Variants in MORC1 observed in about 807,000 individuals in gnomAD.
The protein encoded by MORC1 is MORC family CW-type zinc finger 1.
A neutral mutation model predicts 134.9 loss-of-function variants in MORC1; 59 were observed. That is an observed-to-expected ratio of 0.44 (90% CI 0.35 to 0.54). The LOEUF (loss-of-function observed/expected upper bound fraction) is 0.54. Ranked by LOEUF, MORC1 falls within the 20% of genes least tolerant of loss-of-function variation. MORC1 has a pLI of 0.00. For missense variants in MORC1, 947 were observed against 1,134.5 expected (o/e 0.83, Z 2.37); for synonymous variants, 395 against 391.7 (o/e 1.01, Z -0.10).
At chr3:109,048,708 C>T (rs1001996708) in intron 14 of MORC1, among the ~76,000 whole-genome samples, 2 of 152,176 alleles carry the variant, frequency 1.3e-5, no homozygotes, top group African/African-American at 2.4e-5. Flanking sequence ...CAGATGGTCA[C>T]CTTCTCCCTG....
At chr3:109,085,960 G>A (rs1294795978) in intron 8 of MORC1, among the ~76,000 whole-genome samples, 1 of 152,014 alleles carries the variant, frequency 6.6e-6, no homozygotes, top group Non-Finnish European at 1.5e-5. Flanking sequence ...TGAAATTGGA[G>A]GTCATTACGT....
chr3:109,106,080 C>T (rs1951028141), intron 3 of MORC1, among the ~76,000 whole-genome samples: 1 of 152,216 alleles, frequency 6.6e-6, no homozygotes, highest in Admixed American at 6.5e-5. Flanking sequence ...CTTGGTTGCA[C>T]ATTGAAATCA....
chr3:109,067,205 G>T (rs1950217501), intron 9 of MORC1, among the ~76,000 whole-genome samples: 1 of 152,100 alleles, frequency 6.6e-6, no homozygotes. Flanking sequence ...TCAGCATTAT[G>T]GGTCTATGGT....
At chr3:108,972,226 T>C (rs1460229445) in intron 24 of MORC1, among the ~76,000 whole-genome samples, 1 of 152,098 alleles carries the variant, frequency 6.6e-6, no homozygotes, top group Non-Finnish European at 1.5e-5. Context: ...ATATGACACA[T>C]ATTTCATTCC....
intron 24 of MORC1, among the ~76,000 whole-genome samples, chr3:108,974,048 C>G (rs781665837): frequency 2.0e-5 from 3 of 152,120 alleles, no homozygotes; most frequent in Non-Finnish European, 2.9e-5. Context: ...CCCCCACCCC[C>G]CCACCAGGCC....
At chr3:108,985,195 C>A (rs1947864086) in intron 22 of MORC1, among the ~76,000 whole-genome samples, 2 of 152,102 alleles carry the variant, frequency 1.3e-5, no homozygotes, top group South Asian at 4.2e-4. Flanking sequence ...AAATGTGTCT[C>A]CAGTAGGAAA....
At chr3:109,099,262 T>C in intron 6 of MORC1, 96 bp downstream of exon 6, 1 of 807,366 alleles carries the variant, frequency 1.2e-6, no homozygotes, top group Non-Finnish European at 1.9e-6. Context: ...TTCTAAATAA[T>C]ATCAGAAAGA....
At chr3:109,035,749 T>C (rs919957531) in intron 14 of MORC1, among the ~76,000 whole-genome samples, 3 of 152,232 alleles carry the variant, frequency 2.0e-5, no homozygotes, top group Non-Finnish European at 4.4e-5. Flanking sequence ...TTAAAAGTTA[T>C]GTGTTTATGC....
intron 11 of MORC1, among the ~76,000 whole-genome samples, chr3:109,060,084 C>T (rs1950044669): frequency 6.6e-6 from 1 of 152,094 alleles, no homozygotes. Context: ...CTCTTTTGTA[C>T]ATATCCAGAT....
intron 17 of MORC1, among the ~76,000 whole-genome samples, chr3:109,023,366 T>TA (rs1949004606): frequency 6.6e-6 from 1 of 152,226 alleles, no homozygotes; most frequent in African/African-American, 2.4e-5. Context: ...AAATGTATAG[T>TA]AAATACAAAA....
At chr3:109,010,976 T>C (rs551312823) in intron 17 of MORC1, among the ~76,000 whole-genome samples, 224 of 152,324 alleles carry the variant, frequency 1.5e-3, no homozygotes, top group African/African-American at 5.2e-3. Context: ...TGTACAAGTT[T>C]TGCGGTGGAT....
intron 21 of MORC1, among the ~76,000 whole-genome samples, chr3:108,990,898 T>TTCTCTCTCTCTCTCTCTCTCTCTC (rs34333221): frequency 1.4e-5 from 2 of 145,664 alleles, no homozygotes; most frequent in African/African-American, 5.1e-5. Flanking sequence ...GTTTCTCTCT[T>TTCTCTCTCTCTCTCTCTCTCTCTC]TCTCTCTCTC....
rs755592503 is a variant in MORC1, at chr3:108,963,438, T to C, written c.2775A>G (p.Ala925=). The C allele has an allele frequency of 1.7e-5, 27 of 1,611,526 alleles. No individual in the cohort carries two copies. In the East Asian group the frequency reaches 5.8e-4, roughly 35 times the overall value. ...DKLKNLRIKL[A]LLLQKLQLGG... is the part of the protein sequence containing the mutation. ...CCAGTTGGAGTTTCTGCAACAATAG[T>C]GCCAGTTTTATACGAAGATTCTTCA... is the stretch of plus-strand genomic sequence containing the variant. Residue 925 remains alanine (A), a synonymous_variant, in exon 27 of 28, where the codon GCA becomes GCG. Coordinates refer to ENST00000232603, the MANE Select transcript of MORC1 (RefSeq NM_014429.4).
chr3:109,005,044 T>C, intron 19 of MORC1, 26 bp downstream of exon 19: 1 of 1,593,664 alleles, frequency 6.3e-7, no homozygotes, highest in Non-Finnish European at 8.5e-7. Context: ...GTGAATTGTT[T>C]TGTGAATAAG....
chr3:109,093,428 AC>A lies in MORC1; in HGVS notation c.689+7del, dbSNP rs778709325. 6.2e-7 allele frequency: 1 copy of A among 1,600,484 alleles called. No homozygotes were observed. The highest frequency in any genetic ancestry group is 8.6e-7 in the Non-Finnish European group (1 of 1,167,886). Reference sequence around the variant, plus strand: ...TGTTGAAAAACATTCTGTCAAACACACACATACTCCTCCAGAGCTCCAGCCA... The same window carrying A: ...TGTTGAAAAACATTCTGTCAAACACAACATACTCCTCCAGAGCTCCAGCCA... On this transcript the variant is annotated splice_region_variant and intron_variant, in intron 8 of 27. Coordinates refer to ENST00000232603, the MANE Select transcript of MORC1 (RefSeq NM_014429.4).
chr3:109,038,486 T>G (rs1411099146), intron 14 of MORC1, among the ~76,000 whole-genome samples: 1 of 152,110 alleles, frequency 6.6e-6, no homozygotes, highest in East Asian at 1.9e-4. Flanking sequence ...CATTGCTTTT[T>G]GTGTTTTAGT....
intron 17 of MORC1, among the ~76,000 whole-genome samples, chr3:109,014,505 T>G (rs1948770078): frequency 6.6e-6 from 1 of 152,228 alleles, no homozygotes; most frequent in Non-Finnish European, 1.5e-5. Context: ...ACCATTCAGA[T>G]GCTTTATATT....
intron 8 of MORC1, among the ~76,000 whole-genome samples, chr3:109,082,829 G>A (rs1950547793): frequency 2.6e-5 from 4 of 151,960 alleles, no homozygotes; most frequent in Admixed American, 1.3e-4. Context: ...TGTTCAAGAG[G>A]GAATAAAGCA....
intron 9 of MORC1, among the ~76,000 whole-genome samples, chr3:109,065,158 T>A (rs1950168811): frequency 6.6e-6 from 1 of 152,174 alleles, no homozygotes; most frequent in African/African-American, 2.4e-5. Flanking sequence ...TTTCTTCTTG[T>A]CCCATGAAAT....
Sources: gnomAD v4.1 joint callset for allele counts (sites outside exome capture counted in the v4.1 genomes callset) on GRCh38, gnomAD v4.1.1 for gene constraint, MANE v1.5 for transcripts, NCBI Gene and HGNC (gene_info 2026-07-23, HGNC 2026-07-21) for gene names.